MEI1: variants seen among roughly 807,000 people sequenced by gnomAD.
MEI1 encodes meiosis inhibitor protein 1.
MEI1 carries 103 observed loss-of-function variants against 146.2 expected under a neutral mutation model. The observed-to-expected ratio is 0.70, with a 90% CI of 0.60 to 0.83. MEI1 has a LOEUF of 0.83. Ranked by LOEUF, MEI1 falls within the 40% of genes least tolerant of loss-of-function variation. The pLI, the probability that MEI1 is intolerant of heterozygous loss-of-function variation, is 0.00. For missense variants in MEI1, 1,529 were observed against 1,533.0 expected (o/e 1.00, Z 0.04); for synonymous variants, 652 against 628.2 (o/e 1.04, Z -0.57).
At position 41,729,745 on chromosome 22, in the gene MEI1, G is replaced by A. The variant is rs1319588837; in HGVS notation, c.945G>A (p.Lys315=). The stretch of plus-strand genomic sequence containing the variant: ...CGGTGCTTGTCCACTCCCCAGCAAA[G>A]CATGCGTCAGCCTTCATCCACGCTG... The part of the protein sequence containing the change: ...ITAVLVHSPA[K]HASAFIHADI... Residue 315 remains lysine, a synonymous_variant, in exon 8 of 31, where the codon AAG becomes AAA. Coordinates refer to ENST00000401548, the MANE Select transcript of MEI1 (RefSeq NM_152513.4). The A allele has an allele frequency of 1.2e-6, 2 of 1,610,698 alleles. No individual in the cohort carries two copies. Among genetic ancestry groups the A allele is most frequent in the African/African-American group, 1.3e-5 (1 of 74,860 alleles).
chr22:41,754,947 T>C (rs1397890479), intron 17 of MEI1, among the ~76,000 whole-genome samples: 1 of 151,948 alleles, frequency 6.6e-6, no homozygotes, highest in African/African-American at 2.4e-5. Flanking sequence ...GATAGGGTGG[T>C]CAGGGAAGGC....
chr22:41,794,748 A>C (rs2076304491), intron 28 of MEI1, among the ~76,000 whole-genome samples: 1 of 152,178 alleles, frequency 6.6e-6, no homozygotes, highest in Non-Finnish European at 1.5e-5. Context: ...CTAGATACTA[A>C]GGATATCAAT....
At chr22:41,755,143 A>T (rs1406778520) in intron 17 of MEI1, among the ~76,000 whole-genome samples, 1 of 152,150 alleles carries the variant, frequency 6.6e-6, no homozygotes, top group African/African-American at 2.4e-5. Context: ...GAGCGATTAT[A>T]ACAGTATGTT....
rs2076282976 is a variant in MEI1, at chr22:41,794,047, A to G, written c.3427+137A>G. The G allele has an allele frequency of 4.7e-6, 4 of 848,538 alleles. No individual in the cohort carries two copies. The Admixed American group carries it at 8.9e-5, about 19-fold the overall frequency. The allele number at this position is 848,538 out of a possible 1,614,324, so 52.6% of individuals were successfully genotyped here. ...TGTTTAATTCTTTTAGCAGCACTGC[A>G]AGGGCAGTCATGCCCATTATACAGA... is the stretch of plus-strand genomic sequence containing the variant. On this transcript the variant is annotated intron_variant, in intron 27 of 30. Transcript: ENST00000401548.
intron 26 of MEI1, among the ~76,000 whole-genome samples, chr22:41,785,848 G>A (rs1159255433): frequency 2.0e-5 from 3 of 150,900 alleles, no homozygotes; most frequent in Non-Finnish European, 4.4e-5. Flanking sequence ...ACAGGAATGA[G>A]CCACCACACC....
chr22:41,699,805 C>A, intron 1 of MEI1, 93 bp downstream of exon 1: 1 of 1,410,766 alleles, frequency 7.1e-7, no homozygotes, highest in Non-Finnish European at 9.4e-7. Flanking sequence ...TCCGGTGAAC[C>A]CGACGCGAAA....
chr22:41,784,162 C>T (rs371829025), intron 24 of MEI1, among the ~76,000 whole-genome samples, 177 bp from the exon 25 acceptor site: 8 of 152,336 alleles, frequency 5.3e-5, no homozygotes, highest in African/African-American at 1.7e-4. Context: ...ACTTGATTCT[C>T]CGCATGCTCC....
intron 22 of MEI1, among the ~76,000 whole-genome samples, chr22:41,780,414 G>A (rs1022109148): frequency 1.3e-5 from 2 of 151,964 alleles, no homozygotes; most frequent in African/African-American, 4.8e-5. Context: ...ATAGGGAGAT[G>A]GGAAGTGGGA....
intron 3 of MEI1, among the ~76,000 whole-genome samples, chr22:41,710,422 T>C (rs1170946490): frequency 6.6e-6 from 1 of 152,244 alleles, no homozygotes; most frequent in East Asian, 1.9e-4. Context: ...ACTCCCACTT[T>C]ACCCCTTGAT....
chr22:41,719,281 G>A (rs143789979), intron 6 of MEI1, among the ~76,000 whole-genome samples: 2,694 of 152,030 alleles, frequency 0.018, 54 homozygotes, highest in Admixed American at 0.059. Flanking sequence ...GCGCCCGGCC[G>A]GTTCAAGTGA....
intron 19 of MEI1, among the ~76,000 whole-genome samples, chr22:41,766,515 G>A (rs1383693981): frequency 1.3e-5 from 2 of 151,564 alleles, no homozygotes; most frequent in African/African-American, 2.4e-5. Flanking sequence ...CTGTATGGAC[G>A]TTTTCTTTCT....
intron 18 of MEI1, chr22:41,759,336 A>G (rs977080349): frequency 2.0e-5 from 3 of 152,180 alleles, no homozygotes; most frequent in African/African-American, 7.2e-5. Flanking sequence ...TCTACTAAAA[A>G]TACAAAAATC....
rs1435508726 is a variant in MEI1, at chr22:41,774,489, T to C, written c.2545-1613T>C. ...CGTCGGGCTTCAGCCTCATACTCTG[T>C]AAAGTAAAGGTATTGGAAAAAATTA... On this transcript the variant is annotated intron_variant, in intron 20 of 30. Coordinates refer to ENST00000401548, the MANE Select transcript of MEI1 (RefSeq NM_152513.4). The C allele has an allele frequency of 3.3e-5, 5 of 152,194 alleles. No individual in the cohort carries two copies. The East Asian group carries it at 9.6e-4, about 29-fold the overall frequency. The allele number at this position is 152,194 out of a possible 1,614,324, so 9.4% of individuals were successfully genotyped here. A position where few individuals can be genotyped will look rare whatever the true frequency, so the allele number is the denominator to read the frequency against.
chr22:41,795,461 T>C lies in MEI1; in HGVS notation c.3585T>C (p.Asp1195=). Residue 1195 remains aspartate, a synonymous_variant, in exon 29 of 31, where the codon GAT becomes GAC. Coordinates refer to ENST00000401548, the MANE Select transcript of MEI1 (RefSeq NM_152513.4). The surrounding 1 kb of genome is among the most constrained non-coding windows in gnomAD (Gnocchi z 4.2). ...TCCTCTCTCATGAAGAGGTGGGTGA[T>C]GTTCTGCAAGGTGTGGCTTTGGCTG... ...SSVLSHEEVG[D]VLQGVALADL... 2 of 1,613,576 alleles carry C rather than the reference T, an allele frequency of 1.2e-6. No individual in the cohort carries two copies. Among genetic ancestry groups the C allele is most frequent in the Non-Finnish European group, 1.7e-6 (2 of 1,179,790 alleles).
chr22:41,745,603 T>G (rs1417978670), intron 13 of MEI1, among the ~76,000 whole-genome samples: 2 of 151,890 alleles, frequency 1.3e-5, no homozygotes, highest in African/African-American at 4.8e-5. Flanking sequence ...TAAAGGCAAA[T>G]GAATGGGAAA....
chr22:41,793,824 T>G lies in MEI1; in HGVS notation c.3346-5T>G, dbSNP rs1392955777. 1 of 1,567,438 alleles carries G rather than the reference T, an allele frequency of 6.4e-7. No homozygotes were observed. Among genetic ancestry groups the G allele is most frequent in the African/African-American group, 1.4e-5 (1 of 71,258 alleles). On this transcript the variant is annotated splice_region_variant and splice_polypyrimidine_tract_variant and intron_variant, in intron 26 of 30. Coordinates refer to ENST00000401548, the MANE Select transcript of MEI1 (RefSeq NM_152513.4). ...TGACCTGATTTTTTTTTTTTTTTTC[T>G]GCAGAAGGACCCTCTATTGTCCCAG...
At chr22:41,755,164 AGG>A (rs1183604844) in intron 17 of MEI1, among the ~76,000 whole-genome samples, 4 of 152,164 alleles carry the variant, frequency 2.6e-5, no homozygotes, top group Non-Finnish European at 5.9e-5. Context: ...ATTTGCCCTG[AGG>A]GGTTCCTCTA....
rs1181391931 is a variant in MEI1 at position 41,744,689 on chromosome 22, G to A, written c.1447-284G>A. Among the ~76,000 whole-genome samples, 11 of 34,992 alleles carry A rather than the reference G, an allele frequency of 3.1e-4. 4 individuals are homozygous for A. The highest frequency in any genetic ancestry group is 1.6e-4 in the Admixed American group (1 of 6,432). The allele number at this position is 34,992 out of a possible 152,430, so 23.0% of individuals were successfully genotyped here. A position where few individuals can be genotyped will look rare whatever the true frequency, so the allele number is the denominator to read the frequency against. On this transcript the variant is annotated intron_variant, in intron 12 of 30. Coordinates refer to ENST00000401548, the MANE Select transcript of MEI1 (RefSeq NM_152513.4). ...ATTTTTTTGTATTTTTAGTAGAGACGGGGTTTCACCGTTTTAGCCGGGATG... is the reference window on the plus strand; with the variant it reads ...ATTTTTTTGTATTTTTAGTAGAGACAGGGTTTCACCGTTTTAGCCGGGATG...
intron 26 of MEI1, among the ~76,000 whole-genome samples, chr22:41,791,107 G>A (rs2076165941): frequency 6.6e-6 from 1 of 152,178 alleles, no homozygotes; most frequent in Non-Finnish European, 1.5e-5. Context: ...AAGCTGGGCA[G>A]AGCCAAACTG....
Sources: allele counts gnomAD v4.1 joint callset (sites outside exome capture counted in the v4.1 genomes callset), GRCh38; gene constraint gnomAD v4.1.1; non-coding constraint Gnocchi (gnomAD v3.1); transcripts MANE v1.5; gene names NCBI Gene and HGNC (gene_info 2026-07-23, HGNC 2026-07-21).